The following MCOLN2 variants were observed in gnomAD, a reference collection of about 807,000 sequenced individuals.
The protein encoded by MCOLN2 is mucolipin-2.
In MCOLN2, 57 loss-of-function variants were observed where a neutral mutation model predicts 67.5. That is an observed-to-expected ratio of 0.84 (90% CI 0.68 to 1.05). The LOEUF is 1.05. Ranked by LOEUF, MCOLN2 falls within the 50% of genes least tolerant of loss-of-function variation. MCOLN2 has a pLI of 0.00. For synonymous variants in MCOLN2, 246 were observed against 233.3 expected, an observed-to-expected ratio of 1.05 and a Z score of -0.50; for missense variants, 620 against 678.8, an observed-to-expected ratio of 0.91 and a Z score of 0.96.
intron 1 of MCOLN2, among the ~76,000 whole-genome samples, chr1:84,991,256 C>T (rs1288154962): frequency 1.3e-5 from 2 of 152,086 alleles, no homozygotes; most frequent in African/African-American, 4.8e-5. Flanking sequence ...GATACGGAGA[C>T]TAAAATTCAA....
chr1:84,939,757 A>G (rs2102814248), intron 8 of MCOLN2, 55 bp from the exon 9 acceptor site: 1 of 1,584,074 alleles, frequency 6.3e-7, no homozygotes, highest in Non-Finnish European at 8.6e-7. Context: ...CCTCTGGAAG[A>G]AGAAGGCAAG....
At chr1:84,971,088 G>A (rs1649656518) in intron 1 of MCOLN2, among the ~76,000 whole-genome samples, 2 of 152,138 alleles carry the variant, frequency 1.3e-5, no homozygotes, top group Admixed American at 1.3e-4. Flanking sequence ...TTTCATTTGG[G>A]TATTTACAGA....
intron 8 of MCOLN2, 84 bp from the exon 9 acceptor site, chr1:84,939,786 C>G: frequency 7.0e-7 from 1 of 1,433,650 alleles, no homozygotes; most frequent in Non-Finnish European, 9.7e-7. Context: ...AGTGCTCTCA[C>G]CTGTAAAAGG....
At chr1:84,947,323 C>T (rs963134093) in intron 6 of MCOLN2, among the ~76,000 whole-genome samples, 191 bp from the exon 7 acceptor site, 18 of 152,000 alleles carry the variant, frequency 1.2e-4, no homozygotes, top group African/African-American at 4.4e-4. Flanking sequence ...CACACACACA[C>T]ACACACGGGA....
In MCOLN2 at chr1:84,996,925, C is replaced by T. The variant is rs1047575464; in HGVS notation, c.-53G>A. On this transcript the variant is annotated 5_prime_UTR_variant, in exon 1 of 14. Coordinates refer to ENST00000370608, the MANE Select transcript of MCOLN2 (RefSeq NM_153259.4). ...TCTCGGGATTCGGAACAGGAAACAC[C>T]GTTCACGGCCGACTCATTTCGCCCT... The T allele has an allele frequency of 6.7e-7, 1 of 1,489,582 alleles. No homozygotes were observed. The highest frequency in any genetic ancestry group is 1.4e-5 in the African/African-American group (1 of 72,128). The allele number at this position is 1,489,582 out of a possible 1,614,324, so 92.3% of individuals were successfully genotyped here.
At chr1:84,987,573 T>TAC (rs1650652269) in intron 1 of MCOLN2, among the ~76,000 whole-genome samples, 1 of 91,522 alleles carries the variant, frequency 1.1e-5, no homozygotes, top group Admixed American at 1.3e-4. Flanking sequence ...TACATAGATG[T>TAC]ATACATAGAT....
intron 1 of MCOLN2, among the ~76,000 whole-genome samples, chr1:84,994,639 T>C (rs542328565): frequency 9.2e-5 from 14 of 152,344 alleles, no homozygotes; most frequent in African/African-American, 3.4e-4. Flanking sequence ...TGAAGAGAGT[T>C]TGGGCCTGCT....
At position 84,992,644 on chromosome 1, in the gene MCOLN2, C is replaced by A. The variant is rs141926562; in HGVS notation, c.77+4152G>T. Among the ~76,000 whole-genome samples, 318 of 152,294 alleles carry A rather than the reference C, an allele frequency of 2.1e-3. 1 individual carries two copies. The highest frequency in any genetic ancestry group is 7.4e-3 in the African/African-American group (306 of 41,554). ...TTGGTTCCAGATCACCACAATAAAG[C>A]AAATACTGCAGTAAAGCAAGTCACA... On this transcript the variant is annotated intron_variant, in intron 1 of 13. Coordinates refer to ENST00000370608, the MANE Select transcript of MCOLN2 (RefSeq NM_153259.4).
intron 4 of MCOLN2, among the ~76,000 whole-genome samples, chr1:84,954,380 T>C (rs1648670972): frequency 6.6e-6 from 1 of 152,212 alleles, no homozygotes; most frequent in Non-Finnish European, 1.5e-5. Flanking sequence ...AAAAGAAACT[T>C]GTTTCTGGCA....
At chr1:84,988,985 G>C (rs1051636503) in intron 1 of MCOLN2, among the ~76,000 whole-genome samples, 1 of 152,046 alleles carries the variant, frequency 6.6e-6, no homozygotes, top group Non-Finnish European at 1.5e-5. Context: ...ATGACACCTC[G>C]GTAGAGAGGG....
At chr1:84,963,542 T>C (rs933335311) in intron 2 of MCOLN2, among the ~76,000 whole-genome samples, 3 of 152,150 alleles carry the variant, frequency 2.0e-5, no homozygotes, top group Admixed American at 1.3e-4. Context: ...TCAAGTCGAA[T>C]TGTAATCCCC....
At chr1:84,974,330 T>C (rs1052940154) in intron 1 of MCOLN2, among the ~76,000 whole-genome samples, 1 of 151,730 alleles carries the variant, frequency 6.6e-6, no homozygotes, top group African/African-American at 2.4e-5. Context: ...AGTGGTGACA[T>C]CACCTCTCCC....
At chr1:84,947,412 A>G (rs899077590) in intron 6 of MCOLN2, among the ~76,000 whole-genome samples, 1 of 152,162 alleles carries the variant, frequency 6.6e-6, no homozygotes, top group Non-Finnish European at 1.5e-5. Context: ...GTAGCAGGAA[A>G]ATCCTGTGGA....
intron 11 of MCOLN2, among the ~76,000 whole-genome samples, chr1:84,936,825 T>G (rs1300806400): frequency 6.6e-6 from 1 of 152,208 alleles, no homozygotes; most frequent in Non-Finnish European, 1.5e-5. Flanking sequence ...AGGTCAAAAC[T>G]TAAGGCTGAA....
intron 7 of MCOLN2, among the ~76,000 whole-genome samples, chr1:84,941,569 T>C (rs1356105014): frequency 3.3e-5 from 5 of 152,204 alleles, no homozygotes; most frequent in Admixed American, 6.5e-5. Flanking sequence ...CAAATTTATA[T>C]ATAAATATTT....
chr1:84,974,883 T>C (rs1649919039), intron 1 of MCOLN2, among the ~76,000 whole-genome samples: 3 of 152,038 alleles, frequency 2.0e-5, no homozygotes, highest in South Asian at 4.1e-4. Flanking sequence ...TAAGAGAACA[T>C]AGTGGTAGTC....
intron 4 of MCOLN2, among the ~76,000 whole-genome samples, chr1:84,955,225 C>T (rs1464343279): frequency 6.6e-6 from 1 of 152,160 alleles, no homozygotes; most frequent in Non-Finnish European, 1.5e-5. Context: ...GCCTCCACAG[C>T]CCTGCAGAAC....
intron 7 of MCOLN2, among the ~76,000 whole-genome samples, chr1:84,945,934 A>T (rs1476638971): frequency 1.3e-5 from 2 of 152,144 alleles, no homozygotes; most frequent in Non-Finnish European, 2.9e-5. Context: ...TTTTTAGTAG[A>T]GACGCGGTTT....
chr1:84,964,710 G>C (rs902148992), intron 2 of MCOLN2, among the ~76,000 whole-genome samples: 2 of 152,124 alleles, frequency 1.3e-5, no homozygotes, highest in Non-Finnish European at 2.9e-5. Flanking sequence ...GGGGTGGTGG[G>C]AGACAGTGAC....
Sources: gnomAD v4.1 joint callset for allele counts (sites outside exome capture counted in the v4.1 genomes callset) on GRCh38, gnomAD v4.1.1 for gene constraint, MANE v1.5 for transcripts, NCBI Gene and HGNC (gene_info 2026-07-23, HGNC 2026-07-21) for gene names.